FBXW11: variants seen among roughly 807,000 people sequenced by gnomAD.
FBXW11 encodes the protein F-box/WD repeat-containing protein 11.
In FBXW11, 19 loss-of-function variants were observed where a neutral mutation model predicts 77.6. The ratio of observed to expected loss-of-function variants is 0.24; its 90% CI spans 0.17 to 0.36. The LOEUF is 0.36. FBXW11 is among the 10% of genes least tolerant of loss of function. The probability of loss-of-function intolerance (pLI) is 1.00; values close to 1 mark genes in which losing one functional copy is unlikely to be tolerated. For missense variants in FBXW11, 334 were observed against 704.2 expected, an observed-to-expected ratio of 0.47 and a Z score of 5.95; for synonymous variants, 235 against 249.4, an observed-to-expected ratio of 0.94 and a Z score of 0.54.
chr5:171,863,505 T>C lies in FBXW11; in HGVS notation c.*622A>G, dbSNP rs1445158408. The C allele has an allele frequency of 1.3e-5, 2 of 152,546 alleles. No individual in the cohort carries two copies. Among genetic ancestry groups the C allele is most frequent in the Admixed American group, 6.5e-5 (1 of 15,280 alleles). The allele number at this position is 152,546 out of a possible 1,614,324, so 9.4% of individuals were successfully genotyped here. A position where few individuals can be genotyped will look rare whatever the true frequency, so the allele number is the denominator to read the frequency against. On this transcript the variant is annotated 3_prime_UTR_variant, in exon 14 of 14. Transcript: ENST00000517395. Reference sequence around the variant, plus strand: ...GTTGGTAGATAATATAACTGACTTATAGTTCTTTAAATTAAAAGAAATTGG... The same window carrying C: ...GTTGGTAGATAATATAACTGACTTACAGTTCTTTAAATTAAAAGAAATTGG...
intron 1 of FBXW11, among the ~76,000 whole-genome samples, chr5:171,989,085 G>A (rs763907667): frequency 1.3e-5 from 2 of 152,084 alleles, no homozygotes; most frequent in Non-Finnish European, 2.9e-5. Context: ...GCTGAGGCAG[G>A]AGAATCACTT....
At chr5:171,926,541 G>A (rs532276560) in intron 2 of FBXW11, among the ~76,000 whole-genome samples, 8 of 152,218 alleles carry the variant, frequency 5.3e-5, no homozygotes, top group South Asian at 2.1e-4. Flanking sequence ...GAGTTCTCAC[G>A]AGACCTGATT....
At chr5:171,953,458 T>C (rs2113287681) in intron 2 of FBXW11, among the ~76,000 whole-genome samples, 1 of 152,108 alleles carries the variant, frequency 6.6e-6, no homozygotes, top group East Asian at 1.9e-4. Context: ...AGGCAATGAA[T>C]TCAAACAGCC....
At position 171,862,922 on chromosome 5, in the gene FBXW11, TCC is replaced by T. The variant is rs1355261439; in HGVS notation, c.*1203_*1204del. The T allele has an allele frequency of 6.6e-5, 10 of 152,284 alleles. No homozygotes were observed. In the East Asian group the frequency reaches 1.9e-3, roughly 29 times the overall value. The allele number at this position is 152,284 out of a possible 1,614,324, so 9.4% of individuals were successfully genotyped here. On this transcript the variant is annotated 3_prime_UTR_variant, in exon 14 of 14. Coordinates refer to ENST00000517395, the MANE Select transcript of FBXW11 (RefSeq NM_001378974.1). ...TCAACAGGGCCTTCTTATTTCCCCT[TCC>T]CAGGGCCACGACTGCACAGAATAAT...
Position 171,978,157 on chromosome 5 carries a change from G to A in FBXW11, c.46-20459C>T, listed in dbSNP as rs575113303. On this transcript the variant is annotated intron_variant, in intron 1 of 13. Transcript: ENST00000517395. Reference sequence around the variant, plus strand: ...TTGTTGTAACCCTCAAGCAGGTTCAGAGGAACAGAGAAAAAGAAAAAAAAA... The same window carrying A: ...TTGTTGTAACCCTCAAGCAGGTTCAAAGGAACAGAGAAAAAGAAAAAAAAA... Among the ~76,000 whole-genome samples the A allele has an allele frequency of 7.6e-4, 61 of 79,932 alleles. 3 individuals are homozygous for A. In the South Asian group the frequency reaches 0.029, roughly 38 times the overall value. The allele number at this position is 79,932 out of a possible 152,430, so 52.4% of individuals were successfully genotyped here.
rs1412376670 is a variant in FBXW11 at position 171,869,686 on chromosome 5, C to T, written c.1530+43G>A. 2.7e-6 allele frequency: 4 copies of T among 1,509,242 alleles called. No homozygotes were observed. The highest frequency in any genetic ancestry group is 2.4e-5 in the East Asian group (1 of 42,216). The allele number at this position is 1,509,242 out of a possible 1,614,324, so 93.5% of individuals were successfully genotyped here. The stretch of plus-strand genomic sequence containing the variant: ...ACAGGACTATCTGCAAATGGTCATC[C>T]TCCAGCACAGGGAACCAATTCCCGT... On this transcript the variant is annotated intron_variant, in intron 12 of 13. Coordinates refer to ENST00000517395, the MANE Select transcript of FBXW11 (RefSeq NM_001378974.1). This position sits in a 1 kb window ranked among gnomAD's most constrained non-coding sequence, Gnocchi z 4.1.
rs1581131989 is a variant in FBXW11, at chr5:171,876,603, C to T, written c.972-69G>A. ...CCAGGAAATGATTCTGGTATCTGAG[C>T]TCTGTCTGGGTCTGCAATGGTTTGG... On this transcript the variant is annotated intron_variant, in intron 8 of 13. Transcript: ENST00000517395. The surrounding 1 kb of genome is among the most constrained non-coding windows in gnomAD (Gnocchi z 4.2). 1 of 1,573,208 alleles carries T rather than the reference C, an allele frequency of 6.4e-7. No individual in the cohort carries two copies. Among genetic ancestry groups the T allele is most frequent in the Non-Finnish European group, 8.7e-7 (1 of 1,152,548 alleles).
chr5:172,000,494 T>C (rs1232757882), intron 1 of FBXW11, among the ~76,000 whole-genome samples: 1 of 152,230 alleles, frequency 6.6e-6, no homozygotes, highest in East Asian at 1.9e-4. Context: ...TCATTGTTTT[T>C]CCCAAAGATG....
At chr5:171,872,036 A>G (rs182843099) in intron 10 of FBXW11, among the ~76,000 whole-genome samples, 1 of 152,344 alleles carries the variant, frequency 6.6e-6, no homozygotes, top group East Asian at 1.9e-4. Context: ...TGGTATCTTG[A>G]AGCCTAAAGT....
intron 2 of FBXW11, among the ~76,000 whole-genome samples, chr5:171,946,080 C>T (rs1300840381): frequency 6.6e-6 from 1 of 152,124 alleles, no homozygotes; most frequent in African/African-American, 2.4e-5. Context: ...AAGCCTCATC[C>T]AGTCAATTGA....
intron 2 of FBXW11, among the ~76,000 whole-genome samples, chr5:171,951,944 T>C (rs1450116684): frequency 6.6e-6 from 1 of 152,212 alleles, no homozygotes; most frequent in African/African-American, 2.4e-5. Flanking sequence ...CAAGATTAAG[T>C]TGAATAATTC....
intron 2 of FBXW11, among the ~76,000 whole-genome samples, chr5:171,927,736 C>A (rs1443227429): frequency 6.6e-6 from 1 of 152,154 alleles, no homozygotes; most frequent in Non-Finnish European, 1.5e-5. Context: ...AATTTCCTTA[C>A]TCAATACAAG....
At chr5:171,914,070 T>C (rs1761073043) in intron 3 of FBXW11, among the ~76,000 whole-genome samples, 1 of 152,264 alleles carries the variant, frequency 6.6e-6, no homozygotes, top group East Asian at 1.9e-4. Flanking sequence ...ATGCCATCAC[T>C]GTCCATCTTT....
Position 171,980,343 on chromosome 5 carries a change from C to T in FBXW11, c.46-22645G>A, listed in dbSNP as rs115536584. The stretch of plus-strand genomic sequence containing the variant: ...AGACCTTAAAATTTATCAAACAGGA[C>T]ATGAAATACAGTAACCATGAAATAA... On this transcript the variant is annotated intron_variant, in intron 1 of 13. Transcript: ENST00000517395. Among the ~76,000 whole-genome samples the T allele has an allele frequency of 5.9e-3, 900 of 152,094 alleles. 9 individuals carry two copies. The highest frequency in any genetic ancestry group is 0.021 in the African/African-American group (854 of 41,466).
At chr5:171,864,912 T>TAA (rs1186305049) in intron 13 of FBXW11, among the ~76,000 whole-genome samples, 1 of 146,176 alleles carries the variant, frequency 6.8e-6, no homozygotes, top group Non-Finnish European at 1.5e-5. Flanking sequence ...ACTGTCACAA[T>TAA]AAGTGATGCA....
In FBXW11 at chr5:171,895,260, A is replaced by G. The variant is rs1379172101; in HGVS notation, c.715-3656T>C. 2.0e-5 allele frequency among the ~76,000 whole-genome samples: 3 copies of G among 152,232 alleles called. No homozygotes were observed. In the East Asian group the frequency reaches 5.8e-4, roughly 29 times the overall value. The stretch of plus-strand genomic sequence containing the variant: ...CTGCGCAAATTTTCAAAATACTGGG[A>G]AAGTAGCCATGATACACAGAGTATA... On this transcript the variant is annotated intron_variant, in intron 6 of 13. Transcript: ENST00000517395.
intron 7 of FBXW11, among the ~76,000 whole-genome samples, chr5:171,886,395 G>A (rs1758874616): frequency 6.7e-6 from 1 of 148,322 alleles, no homozygotes; most frequent in Non-Finnish European, 1.5e-5. Context: ...ACACAGGAAG[G>A]GGAACATCAC....
intron 1 of FBXW11, among the ~76,000 whole-genome samples, chr5:171,987,441 T>G (rs1211864277): frequency 6.6e-6 from 1 of 151,922 alleles, no homozygotes; most frequent in Non-Finnish European, 1.5e-5. Context: ...TAAGTTTTTT[T>G]GGGTTTTTTT....
chr5:171,956,171 A>G (rs1003959151), intron 2 of FBXW11, among the ~76,000 whole-genome samples: 3 of 152,252 alleles, frequency 2.0e-5, no homozygotes, highest in African/African-American at 4.8e-5. Context: ...AGACAAAAAT[A>G]CACCTATTAT....
Sources: allele counts gnomAD v4.1 joint callset (sites outside exome capture counted in the v4.1 genomes callset), GRCh38; gene constraint gnomAD v4.1.1; non-coding constraint Gnocchi (gnomAD v3.1); transcripts MANE v1.5; gene names NCBI Gene and HGNC (gene_info 2026-07-23, HGNC 2026-07-21).